The following SAMD12 variants were observed in gnomAD, a reference collection of about 807,000 sequenced individuals.
The protein encoded by SAMD12 is sterile alpha motif domain-containing protein 12.
Under a neutral mutation model 15.0 loss-of-function variants are expected in SAMD12, and 9 were observed. That is an observed-to-expected ratio of 0.60 (90% CI 0.36 to 1.05). The LOEUF (loss-of-function observed/expected upper bound fraction) is 1.05, where lower values mean the gene tolerates loss of function less well. Ranked by LOEUF, SAMD12 falls within the 50% of genes least tolerant of loss-of-function variation. The pLI, the probability that SAMD12 is intolerant of heterozygous loss-of-function variation, is 0.01. For missense variants in SAMD12, 230 were observed against 234.2 expected (o/e 0.98, Z 0.12); for synonymous variants, 86 against 90.1 (o/e 0.96, Z 0.25).
the SAMD12 span, among the ~76,000 whole-genome samples, chr8:118,182,759 T>C: frequency 6.6e-6 from 1 of 152,094 alleles, no homozygotes; most frequent in Non-Finnish European, 1.5e-5. Flanking sequence ...AAAAAGGGTG[T>C]TTAAAATTTT....
At chr8:118,316,053 A>G (rs1815883224) in intron 4 of SAMD12, among the ~76,000 whole-genome samples, 2 of 152,174 alleles carry the variant, frequency 1.3e-5, no homozygotes, top group Admixed American at 1.3e-4. Context: ...GCGTAATGGC[A>G]TTAAAAACAA....
At chr8:118,554,052 T>C (rs937504224) in intron 2 of SAMD12, among the ~76,000 whole-genome samples, 3 of 151,996 alleles carry the variant, frequency 2.0e-5, no homozygotes, top group African/African-American at 7.3e-5. Context: ...GGAGCGGATG[T>C]GGAGAAATAG....
chr8:118,209,396 G>C (rs961308051), intron 4 of SAMD12, among the ~76,000 whole-genome samples: 27 of 152,150 alleles, frequency 1.8e-4, no homozygotes, highest in African/African-American at 6.5e-4. Context: ...TGGGCTGGTG[G>C]GTACTAATTT....
At chr8:118,481,757 G>A (rs1393634522) in intron 2 of SAMD12, among the ~76,000 whole-genome samples, 1 of 151,736 alleles carries the variant, frequency 6.6e-6, no homozygotes, top group Admixed American at 6.6e-5. Context: ...AAATAGCAGG[G>A]GCACAAAAAA....
At chr8:118,269,457 A>G (rs554854336) in intron 4 of SAMD12, among the ~76,000 whole-genome samples, 1 of 152,314 alleles carries the variant, frequency 6.6e-6, no homozygotes, top group South Asian at 2.1e-4. Flanking sequence ...TGCTTCAAGT[A>G]AGTCATCTGC....
At chr8:118,423,323 G>A (rs907067666) in intron 3 of SAMD12, among the ~76,000 whole-genome samples, 1 of 152,134 alleles carries the variant, frequency 6.6e-6, no homozygotes, top group Non-Finnish European at 1.5e-5. Context: ...GGACTCAGGC[G>A]GGTAACACAC....
At chr8:118,269,232 GTGTGTGT>G (rs1563723601) in intron 4 of SAMD12, among the ~76,000 whole-genome samples, 29 of 146,876 alleles carry the variant, frequency 2.0e-4, no homozygotes, top group Non-Finnish European at 3.6e-4. Flanking sequence ...GTGTGTGTGT[GTGTGTGT>G]GTGTGTGTGT....
intron 2 of SAMD12, among the ~76,000 whole-genome samples, chr8:118,502,186 T>C (rs1450913916): frequency 1.3e-5 from 2 of 151,950 alleles, no homozygotes; most frequent in African/African-American, 4.8e-5. Context: ...TAGGAGACTA[T>C]TTTAAAACTA....
At chr8:118,396,812 G>C (rs1251781218) in intron 3 of SAMD12, among the ~76,000 whole-genome samples, 1 of 152,184 alleles carries the variant, frequency 6.6e-6, no homozygotes, top group Admixed American at 6.5e-5. Flanking sequence ...TCGGAACCTA[G>C]AGCTTCTGTT....
At chr8:118,481,100 G>A (rs1824112541) in intron 2 of SAMD12, among the ~76,000 whole-genome samples, 1 of 151,996 alleles carries the variant, frequency 6.6e-6, no homozygotes. Flanking sequence ...GTGCCACCAA[G>A]CCTGGCTAAT....
At chr8:118,258,604 C>CCATT (rs1813006712) in intron 4 of SAMD12, among the ~76,000 whole-genome samples, 2 of 152,044 alleles carry the variant, frequency 1.3e-5, no homozygotes, top group African/African-American at 4.8e-5. Context: ...TATACCTGAT[C>CCATT]CATTACCCCC....
At chr8:118,132,972 G>GTATATATATATATATA in the SAMD12 span, among the ~76,000 whole-genome samples, 2 of 48,252 alleles carry the variant, frequency 4.1e-5, no homozygotes, top group African/African-American at 7.2e-5. Context: ...GTGTGTGTGT[G>GTATATATATATATATA]TATATATATA....
intron 4 of SAMD12, among the ~76,000 whole-genome samples, chr8:118,292,879 T>C (rs1055276378): frequency 2.4e-5 from 3 of 123,160 alleles, no homozygotes; most frequent in African/African-American, 6.4e-5. Flanking sequence ...GGAAGGGGAA[T>C]ATCACACTCT....
intron 3 of SAMD12, among the ~76,000 whole-genome samples, chr8:118,392,549 C>T (rs1157573926): frequency 6.6e-6 from 1 of 152,196 alleles, no homozygotes; most frequent in African/African-American, 2.4e-5. Flanking sequence ...TAGCTCACTC[C>T]AAAACTATGA....
chr8:118,408,806 T>C (rs890647250), intron 3 of SAMD12, among the ~76,000 whole-genome samples: 2 of 152,194 alleles, frequency 1.3e-5, no homozygotes, highest in African/African-American at 2.4e-5. Flanking sequence ...GTCTTCTCTA[T>C]GTGGCCTTTA....
chr8:118,554,518 C>A (rs1057228613), intron 2 of SAMD12, among the ~76,000 whole-genome samples: 1 of 134,380 alleles, frequency 7.4e-6, no homozygotes, highest in African/African-American at 2.9e-5. Flanking sequence ...GAACATCACA[C>A]TCTGGGGACT....
chr8:118,205,335 C>G (rs957082063), intron 4 of SAMD12, among the ~76,000 whole-genome samples: 2 of 152,238 alleles, frequency 1.3e-5, no homozygotes, highest in East Asian at 3.8e-4. Context: ...GGAGCAGAGT[C>G]TACAGATAAC....
At chr8:118,159,719 C>CTT in the SAMD12 span, among the ~76,000 whole-genome samples, 379 of 143,222 alleles carry the variant, frequency 2.6e-3, 3 homozygotes, top group African/African-American at 3.1e-3. Context: ...CTTTTTTTTT[C>CTT]TTTTTTTTTT....
chr8:118,170,543 T>C, the SAMD12 span, among the ~76,000 whole-genome samples: 307 of 152,290 alleles, frequency 2.0e-3, 3 homozygotes, highest in African/African-American at 7.2e-3. Context: ...CTATGATTAA[T>C]TGATTTTGAC....
Sources: gnomAD v4.1 joint callset for allele counts (sites outside exome capture counted in the v4.1 genomes callset) on GRCh38, gnomAD v4.1.1 for gene constraint, MANE v1.5 for transcripts, NCBI Gene and HGNC (gene_info 2026-07-23, HGNC 2026-07-21) for gene names.